SLC2A11: variants seen among roughly 807,000 people sequenced by gnomAD.
The protein encoded by SLC2A11 is solute carrier family 2, facilitated glucose transporter member 11.
SLC2A11 carries 43 observed loss-of-function variants against 52.1 expected under a neutral mutation model. The observed-to-expected ratio is 0.82, with a 90% CI of 0.65 to 1.06. The LOEUF is 1.06. Ranked by LOEUF, SLC2A11 falls within the 50% of genes least tolerant of loss-of-function variation. The pLI, the probability that SLC2A11 is intolerant of heterozygous loss-of-function variation, is 0.00. For synonymous variants in SLC2A11, 261 were observed against 277.6 expected (o/e 0.94, Z 0.59); for missense variants, 582 against 654.2 (o/e 0.89, Z 1.20).
chr22:23,857,592 C>T (rs868398339), upstream of SLC2A11: 381 of 1,144,308 alleles, frequency 3.3e-4, 1 homozygote, highest in African/African-American at 5.4e-3. Flanking sequence ...CCCCCCGCGG[C>T]GGCGACTCCC....
At chr22:23,877,464 C>A in intron 5 of SLC2A11, 2 of 766,416 alleles carry the variant, frequency 2.6e-6, no homozygotes, top group South Asian at 3.0e-5. Context: ...TCCAGTCATT[C>A]CAGAAAAAAG....
At chr22:23,878,511 C>T (rs961431523) in intron 6 of SLC2A11, among the ~76,000 whole-genome samples, 5 of 152,178 alleles carry the variant, frequency 3.3e-5, no homozygotes, top group Non-Finnish European at 7.3e-5. Flanking sequence ...AACAAGAAAG[C>T]AAATCCAGTT....
chr22:23,873,812 G>A (rs1401839533), intron 3 of SLC2A11, among the ~76,000 whole-genome samples: 1 of 152,162 alleles, frequency 6.6e-6, no homozygotes, highest in African/African-American at 2.4e-5. Context: ...TACAATTGGA[G>A]TTACCACTGG....
chr22:23,860,567 C>G (rs2032012938), intron 1 of SLC2A11, among the ~76,000 whole-genome samples: 1 of 151,982 alleles, frequency 6.6e-6, no homozygotes, highest in Non-Finnish European at 1.5e-5. Flanking sequence ...TCAGGAGTCT[C>G]TACTAAAAAT....
chr22:23,858,285 C>T, intron 1 of SLC2A11: 2 of 640,774 alleles, frequency 3.1e-6, no homozygotes, highest in South Asian at 1.7e-5. Flanking sequence ...GCTAAATCCT[C>T]TGCCGATCAG....
intron 6 of SLC2A11, chr22:23,881,264 G>A (rs2032785417): frequency 6.6e-6 from 1 of 152,036 alleles, no homozygotes; most frequent in Non-Finnish European, 1.5e-5. Context: ...GGCATTGGCT[G>A]GCTGATCTAG....
chr22:23,877,622 G>A, intron 5 of SLC2A11, 99 bp from the exon 6 acceptor site: 7 of 1,419,902 alleles, frequency 4.9e-6, no homozygotes, highest in Non-Finnish European at 6.7e-6. Flanking sequence ...CGGGGCAATT[G>A]CAGACTCCCT....
chr22:23,882,815 C>G lies in SLC2A11; in HGVS notation c.939C>G (p.Ile313Met), dbSNP rs984044607. 6.2e-7 allele frequency: 1 copy of G among 1,613,790 alleles called. No homozygotes were observed. Among genetic ancestry groups the G allele is most frequent in the Non-Finnish European group, 8.5e-7 (1 of 1,179,932 alleles). The change falls in exon 8 of 12, where the codon ATC (isoleucine) becomes ATG (methionine). Residue 313 changes from isoleucine to methionine, a missense_variant. Physicochemically the swap from Ile to Met is conservative, Grantham distance 10. Transcript: ENST00000316185. ...AGGCAGGAGTGCCGGAAGCGAAGAT[C>G]CAGTACGCGATCATCGGGACTGGGA... is the stretch of plus-strand genomic sequence containing the variant. ...FRKAGVPEAKIQYAIIGTGSC... is the reference protein window; with the variant it reads ...FRKAGVPEAKMQYAIIGTGSC...
At chr22:23,863,218 C>T (rs544526650) in intron 2 of SLC2A11, among the ~76,000 whole-genome samples, 53 of 152,318 alleles carry the variant, frequency 3.5e-4, no homozygotes, top group Non-Finnish European at 4.9e-4. Context: ...TAGAAGCCCA[C>T]CCCAGATACC....
rs1352849642 is a variant in SLC2A11 at position 23,857,895 on chromosome 22, G to GCGCGCTGCCCTTCCCTC, written c.-99_-83dup. The GCGCGCTGCCCTTCCCTC allele has an allele frequency of 5.1e-6, 8 of 1,565,046 alleles. No individual in the cohort carries two copies. Among genetic ancestry groups the GCGCGCTGCCCTTCCCTC allele is most frequent in the African/African-American group, 4.1e-5 (3 of 73,526 alleles). The stretch of plus-strand genomic sequence containing the variant: ...AGCGCCTCTTTCACCACTGGGCGCT[G>GCGCGCTGCCCTTCCCTC]CGCGCTGCCCTTCCCTCCGCGCACA... On this transcript the variant is annotated 5_prime_UTR_variant, in exon 1 of 12. Transcript: ENST00000316185.
intron 1 of SLC2A11, among the ~76,000 whole-genome samples, chr22:23,859,551 G>A (rs896613283): frequency 4.6e-5 from 7 of 151,924 alleles, no homozygotes; most frequent in South Asian, 2.1e-4. Flanking sequence ...GCAGTGGCGC[G>A]ATCTGGGCTT....
rs755792944 is a variant in SLC2A11, at chr22:23,882,543, G to A, written c.779G>A (p.Arg260His). The change falls in exon 7 of 12, where the codon CGT becomes CAT. Residue 260 changes from arginine to histidine, a missense_variant. Transcript: ENST00000316185. ...GAGCGCGCTGCCTGCCAGGGCTGCC[G>A]TGCCCGGCGCCCATGGGAGCTGTTC... ...EEERAACQGC[R>H]ARRPWELFQH... is the part of the protein sequence containing the mutation. The A allele has an allele frequency of 1.6e-5, 26 of 1,608,930 alleles. No individual in the cohort carries two copies. Among genetic ancestry groups the A allele is most frequent in the Middle Eastern group, 1.7e-4 (1 of 6,032 alleles).
intron 1 of SLC2A11, 64 bp from the exon 2 acceptor site, chr22:23,862,040 C>A: frequency 7.5e-7 from 1 of 1,337,566 alleles, no homozygotes; most frequent in Non-Finnish European, 1.1e-6. Flanking sequence ...TGATTGGCAG[C>A]TCTGGTCCAG....
chr22:23,857,491 T>G (rs768584237), upstream of SLC2A11: 7 of 1,613,164 alleles, frequency 4.3e-6, no homozygotes, highest in African/African-American at 6.7e-5. Flanking sequence ...CAGAGGCGGA[T>G]GGAGGATGAA....
chr22:23,861,858 T>C (rs908281748), intron 1 of SLC2A11, among the ~76,000 whole-genome samples: 8 of 152,132 alleles, frequency 5.3e-5, no homozygotes, highest in African/African-American at 1.7e-4. Flanking sequence ...CAGGGAAATG[T>C]TGGGGCTATG....
At chr22:23,859,640 C>G (rs2031981622) in intron 1 of SLC2A11, among the ~76,000 whole-genome samples, 3 of 152,284 alleles carry the variant, frequency 2.0e-5, no homozygotes, top group African/African-American at 4.8e-5. Flanking sequence ...AGGTGCCCAC[C>G]ACCAAGCCCG....
intron 3 of SLC2A11, chr22:23,870,328 C>G (rs931169686): frequency 5.0e-6 from 2 of 404,012 alleles, no homozygotes; most frequent in African/African-American, 4.2e-5. Flanking sequence ...GTTCCCCTCC[C>G]CAGGACAGGG....
Position 23,884,323 on chromosome 22 carries a change from C to G in SLC2A11, c.1193C>G (p.Ala398Gly). 3 of 1,613,910 alleles carry G rather than the reference C, an allele frequency of 1.9e-6. No homozygotes were observed. The highest frequency in any genetic ancestry group is 2.5e-6 in the Non-Finnish European group (3 of 1,179,944). Residue 398 changes from alanine (A) to glycine (G), a missense_variant, in exon 11 of 12, where the codon GCC (alanine) becomes GGC (glycine). Coordinates refer to ENST00000316185, the MANE Select transcript of SLC2A11 (RefSeq NM_001024939.4). This position sits in a 1 kb window ranked among gnomAD's most constrained non-coding sequence, Gnocchi z 4.3. ...IGPAGVTGILATELFDQMARP... is the reference protein window; with the variant it reads ...IGPAGVTGILGTELFDQMARP... ...CTAGCCGGAGTGACGGGGATCCTGG[C>G]CACAGAGCTGTTTGACCAGATGGCC...
At chr22:23,863,182 C>T (rs542119213) in intron 2 of SLC2A11, among the ~76,000 whole-genome samples, 80 of 152,326 alleles carry the variant, frequency 5.3e-4, no homozygotes, top group Non-Finnish European at 1.0e-3. Flanking sequence ...CCTCCTTCCA[C>T]GGAGGGGCCC....
Sources: allele counts gnomAD v4.1 joint callset (sites outside exome capture counted in the v4.1 genomes callset), GRCh38; gene constraint gnomAD v4.1.1; non-coding constraint Gnocchi (gnomAD v3.1); transcripts MANE v1.5; gene names NCBI Gene and HGNC (gene_info 2026-07-23, HGNC 2026-07-21).